Variants in RORA observed in about 807,000 individuals in gnomAD.
RORA encodes RAR related orphan receptor A.
RORA carries 7 observed loss-of-function variants against 69.5 expected under a neutral mutation model. The observed-to-expected ratio is 0.10, with a 90% confidence interval of 0.06 to 0.19. RORA has a LOEUF of 0.19. Ranked by LOEUF, RORA falls within the 10% of genes least tolerant of loss-of-function variation. The pLI is 1.00. For missense variants in RORA, 457 were observed against 663.0 expected (o/e 0.69, Z 3.41); for synonymous variants, 261 against 240.8 (o/e 1.08, Z -0.78).
chr15:60,947,250 A>C (rs1357357309), intron 1 of RORA, among the ~76,000 whole-genome samples: 4 of 152,222 alleles, frequency 2.6e-5, no homozygotes, highest in African/African-American at 9.6e-5. Context: ...GTCGAATAGA[A>C]AAGGGGGAAA....
At chr15:60,633,597 T>C (rs1427542336) in intron 2 of RORA, among the ~76,000 whole-genome samples, 1 of 152,222 alleles carries the variant, frequency 6.6e-6, no homozygotes, top group Non-Finnish European at 1.5e-5. Flanking sequence ...TCCTGAGAGC[T>C]GGCAGAATGT....
chr15:60,764,843 A>G (rs1223831925), intron 1 of RORA: 4 of 152,096 alleles, frequency 2.6e-5, no homozygotes, highest in Non-Finnish European at 5.9e-5. Flanking sequence ...CCTTTACCAC[A>G]TTGTACTTGA....
At chr15:60,848,081 A>G (rs2073286464) in intron 1 of RORA, 1 of 152,204 alleles carries the variant, frequency 6.6e-6, no homozygotes, top group Admixed American at 6.5e-5. Flanking sequence ...TCATGCTGGC[A>G]TTTTCCTCAG....
At chr15:60,880,165 T>C (rs748402769) in intron 1 of RORA, among the ~76,000 whole-genome samples, 1 of 152,190 alleles carries the variant, frequency 6.6e-6, no homozygotes, top group African/African-American at 2.4e-5. Flanking sequence ...TCCAGGAACA[T>C]TTAAGGATTA....
chr15:61,168,213 CGTGCGTGTGT>C (rs1266287713), intron 1 of RORA, among the ~76,000 whole-genome samples: 1 of 144,950 alleles, frequency 6.9e-6, no homozygotes, highest in Admixed American at 6.8e-5. Flanking sequence ...CGCGTGCGTG[CGTGCGTGTGT>C]GTGTGTGTGT....
chr15:60,730,031 C>G (rs144382748), intron 1 of RORA, among the ~76,000 whole-genome samples: 1 of 152,126 alleles, frequency 6.6e-6, no homozygotes, highest in African/African-American at 2.4e-5. Flanking sequence ...TCTCCTGTTA[C>G]GCCAGCACAA....
At chr15:60,523,137 A>T (rs2066233332) in intron 3 of RORA, among the ~76,000 whole-genome samples, 1 of 152,206 alleles carries the variant, frequency 6.6e-6, no homozygotes, top group African/African-American at 2.4e-5. Flanking sequence ...AATAACATAA[A>T]AAGTGGAAGA....
chr15:60,741,289 C>A (rs2071572321), intron 1 of RORA, among the ~76,000 whole-genome samples: 1 of 152,214 alleles, frequency 6.6e-6, no homozygotes, highest in Non-Finnish European at 1.5e-5. Context: ...GACCTTCAGG[C>A]TTTCTTTACC....
At chr15:61,119,418 A>G (rs1326538611) in intron 1 of RORA, among the ~76,000 whole-genome samples, 1 of 141,966 alleles carries the variant, frequency 7.0e-6, no homozygotes, top group Non-Finnish European at 1.5e-5. Context: ...CACACACTAT[A>G]TATATATATA....
At chr15:61,000,132 A>G (rs1894701672) in intron 1 of RORA, among the ~76,000 whole-genome samples, 1 of 152,196 alleles carries the variant, frequency 6.6e-6, no homozygotes, top group South Asian at 2.1e-4. Context: ...GGATATACTT[A>G]GCGTTTAGGT....
chr15:61,026,719 A>G (rs1251966995), intron 1 of RORA, among the ~76,000 whole-genome samples: 4 of 152,210 alleles, frequency 2.6e-5, no homozygotes, highest in African/African-American at 9.7e-5. Context: ...TTAAACAGGA[A>G]TAGATGAAGG....
intron 1 of RORA, among the ~76,000 whole-genome samples, chr15:61,043,841 G>A (rs1053929044): frequency 2.0e-5 from 3 of 152,198 alleles, no homozygotes; most frequent in African/African-American, 4.8e-5. Flanking sequence ...TGGCTGGTAC[G>A]ACAGGTGGTG....
chr15:61,169,618 C>T (rs184936404), intron 1 of RORA, among the ~76,000 whole-genome samples: 2 of 138,948 alleles, frequency 1.4e-5, no homozygotes, highest in East Asian at 4.2e-4. Flanking sequence ...TTGTCTGTGG[C>T]TTGGTTTCGT....
intron 2 of RORA, among the ~76,000 whole-genome samples, chr15:60,625,582 G>A (rs111238302): frequency 0.012 from 1,837 of 152,264 alleles, 23 homozygotes; most frequent in African/African-American, 0.028. Flanking sequence ...ATTAAATAAC[G>A]TCTGGTGTAT....
At position 61,220,333 on chromosome 15, in the gene RORA, A is replaced by T. The variant is rs191524167; in HGVS notation, c.166+8720T>A. ...GTCACACAAACATTCCTGAGAGTAC[A>T]TGCTGTATTGTCACATGGCCTTTTC... On this transcript the variant is annotated intron_variant, in intron 1 of 10. Transcript: ENST00000335670. Among the ~76,000 whole-genome samples, 191 of 152,374 alleles carry T rather than the reference A, an allele frequency of 1.3e-3. 1 individual carries two copies. The highest frequency in any genetic ancestry group is 3.5e-3 in the Admixed American group (53 of 15,314).
At chr15:60,551,240 G>C (rs141875138) in intron 2 of RORA, among the ~76,000 whole-genome samples, 1 of 152,068 alleles carries the variant, frequency 6.6e-6, no homozygotes, top group Non-Finnish European at 1.5e-5. Context: ...ATAATCTCAT[G>C]TCTTTTAAGC....
At chr15:60,988,470 G>T (rs1457363886) in intron 1 of RORA, among the ~76,000 whole-genome samples, 1 of 152,168 alleles carries the variant, frequency 6.6e-6, no homozygotes, top group Admixed American at 6.5e-5. Context: ...CATAATGTTT[G>T]GGGATTTTTG....
chr15:61,005,995 A>C (rs1894901688), intron 1 of RORA, among the ~76,000 whole-genome samples: 1 of 151,684 alleles, frequency 6.6e-6, no homozygotes, highest in Non-Finnish European at 1.5e-5. Flanking sequence ...TTTGAGAAGG[A>C]GTCTCGCTCT....
At chr15:61,219,654 G>A (rs2080076548) in intron 1 of RORA, among the ~76,000 whole-genome samples, 2 of 152,142 alleles carry the variant, frequency 1.3e-5, no homozygotes. Context: ...GGAACATGAG[G>A]TAAGAAAGTA....
Sources: gnomAD v4.1 joint callset for allele counts (sites outside exome capture counted in the v4.1 genomes callset) on GRCh38, gnomAD v4.1.1 for gene constraint, MANE v1.5 for transcripts, NCBI Gene and HGNC (gene_info 2026-07-23, HGNC 2026-07-21) for gene names.